Variants in LRRC4C observed in about 807,000 individuals in gnomAD.
LRRC4C encodes the protein leucine rich repeat containing 4C, also known as leucine-rich repeat-containing protein 4C.
Under a neutral mutation model 33.6 loss-of-function variants are expected in LRRC4C, and 5 were observed. The observed-to-expected ratio is 0.15, with a 90% CI of 0.08 to 0.31. LRRC4C has a LOEUF of 0.31. Among genes scored for constraint, LRRC4C ranks in the 10% least tolerant of loss-of-function variants. The pLI, the probability that LRRC4C is intolerant of heterozygous loss-of-function variation, is 1.00. For synonymous variants in LRRC4C, 329 were observed against 302.0 expected, an observed-to-expected ratio of 1.09 and a Z score of -0.93; for missense variants, 560 against 796.7, an observed-to-expected ratio of 0.70 and a Z score of 3.58.
At chr11:40,226,449 A>C (rs1250855054) in intron 5 of LRRC4C, among the ~76,000 whole-genome samples, 1 of 152,226 alleles carries the variant, frequency 6.6e-6, no homozygotes, top group East Asian at 1.9e-4. Context: ...GATTGTTGCC[A>C]ATAATATTTT....
At chr11:40,746,651 A>G (rs1025879377) in intron 2 of LRRC4C, among the ~76,000 whole-genome samples, 7 of 152,114 alleles carry the variant, frequency 4.6e-5, no homozygotes, top group African/African-American at 1.4e-4. Context: ...CCTGAGTAAA[A>G]GCCTAAATGA....
chr11:41,453,077 G>A (rs1048430168), intron 1 of LRRC4C, among the ~76,000 whole-genome samples: 1 of 151,976 alleles, frequency 6.6e-6, no homozygotes, highest in Non-Finnish European at 1.5e-5. Context: ...CCTTCCCAAA[G>A]GTATGTTACT....
intron 2 of LRRC4C, among the ~76,000 whole-genome samples, chr11:40,792,089 C>T (rs976916973): frequency 6.6e-6 from 1 of 152,088 alleles, no homozygotes; most frequent in African/African-American, 2.4e-5. Flanking sequence ...CAAGAACCAG[C>T]AAATCAATTA....
intron 2 of LRRC4C, among the ~76,000 whole-genome samples, chr11:40,691,686 A>T (rs572312821): frequency 5.3e-5 from 8 of 152,122 alleles, no homozygotes; most frequent in Non-Finnish European, 1.2e-4. Context: ...CAGGTTACAA[A>T]TCTGAAGAAG....
intron 1 of LRRC4C, among the ~76,000 whole-genome samples, chr11:41,104,901 A>C (rs1941406053): frequency 1.3e-5 from 2 of 151,970 alleles, no homozygotes; most frequent in African/African-American, 4.8e-5. Context: ...CTGTAAAGAC[A>C]GAAAATAGAC....
At chr11:40,509,487 AT>A (rs541928236) in intron 3 of LRRC4C, among the ~76,000 whole-genome samples, 1 of 151,914 alleles carries the variant, frequency 6.6e-6, no homozygotes, top group Non-Finnish European at 1.5e-5. Context: ...GGTTTTTAAA[AT>A]TTTTTTAATT....
intron 1 of LRRC4C, among the ~76,000 whole-genome samples, chr11:41,069,293 A>G (rs1228727499): frequency 1.3e-5 from 2 of 152,210 alleles, no homozygotes; most frequent in Non-Finnish European, 2.9e-5. Flanking sequence ...GCTATTTATG[A>G]CAAACCCATA....
intron 1 of LRRC4C, among the ~76,000 whole-genome samples, chr11:41,203,930 A>T (rs1946497164): frequency 6.6e-6 from 1 of 152,202 alleles, no homozygotes; most frequent in Non-Finnish European, 1.5e-5. Flanking sequence ...GAAAAGTAGA[A>T]GGTATTTCAC....
chr11:40,417,512 T>A (rs940761004), intron 3 of LRRC4C, among the ~76,000 whole-genome samples: 2 of 151,776 alleles, frequency 1.3e-5, no homozygotes, highest in African/African-American at 4.8e-5. Flanking sequence ...TTTATTTTTT[T>A]TTTGTTTTTA....
At chr11:40,119,521 G>A (rs994896765) in intron 6 of LRRC4C, among the ~76,000 whole-genome samples, 1 of 152,120 alleles carries the variant, frequency 6.6e-6, no homozygotes, top group African/African-American at 2.4e-5. Context: ...GGCCATGTCT[G>A]ATGGATTCCT....
At chr11:41,394,330 T>C (rs1425877276) in intron 1 of LRRC4C, among the ~76,000 whole-genome samples, 1 of 151,956 alleles carries the variant, frequency 6.6e-6, no homozygotes, top group Non-Finnish European at 1.5e-5. Context: ...ACTGCACTAT[T>C]AGAAAGGAGG....
At chr11:40,674,191 G>A (rs1320609690) in intron 2 of LRRC4C, among the ~76,000 whole-genome samples, 6 of 152,094 alleles carry the variant, frequency 3.9e-5, no homozygotes, top group African/African-American at 1.2e-4. Flanking sequence ...TATAGGATTC[G>A]ACTTTCATCG....
intron 1 of LRRC4C, among the ~76,000 whole-genome samples, chr11:41,350,270 G>T (rs1277141660): frequency 6.6e-6 from 1 of 152,094 alleles, no homozygotes; most frequent in Non-Finnish European, 1.5e-5. Flanking sequence ...CAGCACTTTG[G>T]GAGGCCGAGG....
intron 3 of LRRC4C, among the ~76,000 whole-genome samples, chr11:40,480,181 G>C (rs1377463330): frequency 1.3e-5 from 2 of 151,902 alleles, no homozygotes; most frequent in African/African-American, 4.8e-5. Context: ...GCCTAATATA[G>C]AGGAAAAAGC....
At chr11:41,395,723 G>T (rs1953782717) in intron 1 of LRRC4C, among the ~76,000 whole-genome samples, 1 of 151,868 alleles carries the variant, frequency 6.6e-6, no homozygotes, top group Non-Finnish European at 1.5e-5. Context: ...CTACATAATT[G>T]GTCTCTTGAT....
At chr11:40,385,271 C>G (rs529252686) in intron 3 of LRRC4C, among the ~76,000 whole-genome samples, 13 of 152,268 alleles carry the variant, frequency 8.5e-5, no homozygotes, top group Non-Finnish European at 1.5e-5. Flanking sequence ...TGGGAGGAAA[C>G]ATTAAGTCAT....
At chr11:40,924,283 C>A (rs1451471554) in intron 2 of LRRC4C, among the ~76,000 whole-genome samples, 1 of 152,000 alleles carries the variant, frequency 6.6e-6, no homozygotes, top group Non-Finnish European at 1.5e-5. Flanking sequence ...TTCAATTGAA[C>A]ACTTTGGCTA....
At chr11:41,090,865 T>C (rs1156634711) in intron 1 of LRRC4C, among the ~76,000 whole-genome samples, 1 of 152,162 alleles carries the variant, frequency 6.6e-6, no homozygotes, top group Non-Finnish European at 1.5e-5. Flanking sequence ...ATCATGATTG[T>C]AAGTTTCCTG....
chr11:41,050,488 T>C (rs1858123298), intron 1 of LRRC4C, among the ~76,000 whole-genome samples: 1 of 151,976 alleles, frequency 6.6e-6, no homozygotes, highest in Admixed American at 6.6e-5. Flanking sequence ...TTCCCCTCCC[T>C]GTGTCCATGT....
Sources: allele counts gnomAD v4.1 joint callset (sites outside exome capture counted in the v4.1 genomes callset), GRCh38; gene constraint gnomAD v4.1.1; transcripts MANE v1.5; gene names NCBI Gene and HGNC (gene_info 2026-07-23, HGNC 2026-07-21).